The following DEFB107A variants were observed in gnomAD, a reference collection of about 807,000 sequenced individuals.
The protein encoded by DEFB107A is defensin beta 107A.
intron 1 of DEFB107A, among the ~76,000 whole-genome samples, chr8:7,813,372 C>T (rs1381572670): frequency 6.8e-6 from 1 of 146,928 alleles, no homozygotes; most frequent in African/African-American, 2.5e-5. Context: ...TTTAGGATGG[C>T]AGGGTTGACC....
At chr8:7,814,887 G>C (rs1413240628) in intron 1 of DEFB107A, among the ~76,000 whole-genome samples, 2 of 59,584 alleles carry the variant, frequency 3.4e-5, no homozygotes, top group African/African-American at 1.3e-4. Context: ...TAACAAATAT[G>C]TTTGGCATTT....
intron 1 of DEFB107A, among the ~76,000 whole-genome samples, chr8:7,813,454 T>C (rs1459912865): frequency 6.7e-6 from 1 of 150,278 alleles, no homozygotes; most frequent in African/African-American, 2.4e-5. Context: ...TAGCTATTTT[T>C]GGACTTTTAC....
chr8:7,813,884 A>G (rs1055283850), intron 1 of DEFB107A, among the ~76,000 whole-genome samples: 3 of 149,842 alleles, frequency 2.0e-5, no homozygotes, highest in East Asian at 2.0e-4. Flanking sequence ...TGGAGTACTG[A>G]TTAAAGTGGA....
At chr8:7,813,663 A>G (rs1448985428) in intron 1 of DEFB107A, among the ~76,000 whole-genome samples, 1 of 123,036 alleles carries the variant, frequency 8.1e-6, no homozygotes, top group Non-Finnish European at 1.8e-5. Flanking sequence ...CCAAACTCAT[A>G]TAAGTTTGGC....
At chr8:7,813,743 A>T (rs1355519822) in intron 1 of DEFB107A, among the ~76,000 whole-genome samples, 3 of 152,136 alleles carry the variant, frequency 2.0e-5, no homozygotes, top group Admixed American at 2.0e-4. Context: ...ATTCTATGTG[A>T]TTATGGTGAT....
intron 1 of DEFB107A, among the ~76,000 whole-genome samples, chr8:7,813,584 T>C (rs1817140220): frequency 6.6e-6 from 1 of 152,078 alleles, no homozygotes; most frequent in Non-Finnish European, 1.5e-5. Flanking sequence ...AATGCTATTA[T>C]TATTATCATT....
chr8:7,815,140 C>T (rs1343230913), intron 1 of DEFB107A, among the ~76,000 whole-genome samples: 1 of 62,836 alleles, frequency 1.6e-5, no homozygotes, highest in Non-Finnish European at 3.2e-5. Flanking sequence ...CCCAGCTACT[C>T]GGGAGGCTGA....
intron 1 of DEFB107A, among the ~76,000 whole-genome samples, chr8:7,813,193 T>A (rs2737616): frequency 0.18 from 13,984 of 75,890 alleles, 312 homozygotes; most frequent in Non-Finnish European, 0.3. Flanking sequence ...TACTTAGCTA[T>A]TCACATCAGC....
chr8:7,813,420 C>G (rs368407884), intron 1 of DEFB107A, among the ~76,000 whole-genome samples: 1 of 148,682 alleles, frequency 6.7e-6, no homozygotes, highest in Non-Finnish European at 1.5e-5. Flanking sequence ...TGAAAAAGAA[C>G]CCTCTACCCG....
intron 1 of DEFB107A, among the ~76,000 whole-genome samples, chr8:7,813,343 C>A (rs2128921035): frequency 6.9e-6 from 1 of 145,338 alleles, no homozygotes; most frequent in Non-Finnish European, 1.5e-5. Context: ...TCCTTGGAAC[C>A]AAATAAAATG....
chr8:7,815,247 C>CAAAAAAAAAAAAAAAAAAAA (rs1160791841), intron 1 of DEFB107A, among the ~76,000 whole-genome samples: 1 of 7,056 alleles, frequency 1.4e-4, no homozygotes, highest in Admixed American at 3.0e-3. Context: ...GACTCCGTCT[C>CAAAAAAAAAAAAAAAAAAAA]AAAAAAAAAA....
At chr8:7,813,820 T>G (rs2128921144) in intron 1 of DEFB107A, among the ~76,000 whole-genome samples, 1 of 151,454 alleles carries the variant, frequency 6.6e-6, no homozygotes, top group Admixed American at 6.6e-5. Context: ...TGAGATGAGT[T>G]TTGTGGACAG....
chr8:7,815,235 G>A (rs564977271), intron 1 of DEFB107A, among the ~76,000 whole-genome samples: 77 of 65,796 alleles, frequency 1.2e-3, no homozygotes, highest in Admixed American at 2.4e-3. Context: ...GCGACAGCGC[G>A]AGACTCCGTC....
At chr8:7,813,233 T>C (rs1817129182) in intron 1 of DEFB107A, among the ~76,000 whole-genome samples, 1 of 132,550 alleles carries the variant, frequency 7.5e-6, no homozygotes, top group Non-Finnish European at 1.7e-5. Context: ...TATGTCCACA[T>C]GAACAAATTT....
At chr8:7,812,928 C>CACAT (rs1267957853) in intron 1 of DEFB107A, among the ~76,000 whole-genome samples, 2 of 130,018 alleles carry the variant, frequency 1.5e-5, no homozygotes, top group Non-Finnish European at 3.4e-5. Flanking sequence ...CACACACGCA[C>CACAT]ACACATACAC....
At chr8:7,815,246 TCAAAAAA>T (rs1817190610) in intron 1 of DEFB107A, among the ~76,000 whole-genome samples, 1 of 15,438 alleles carries the variant, frequency 6.5e-5, no homozygotes, top group Non-Finnish European at 3.0e-4. Context: ...AGACTCCGTC[TCAAAAAA>T]AAAAAAAAAA....
chr8:7,813,919 TTA>T (rs1817155778), intron 1 of DEFB107A, among the ~76,000 whole-genome samples: 1 of 146,320 alleles, frequency 6.8e-6, no homozygotes, highest in African/African-American at 2.6e-5. Flanking sequence ...TTAAATGAGT[TTA>T]TCTATTCTGG....
intron 1 of DEFB107A, among the ~76,000 whole-genome samples, chr8:7,813,507 CATT>C (rs1301706120): frequency 2.6e-5 from 4 of 151,702 alleles, no homozygotes; most frequent in African/African-American, 7.3e-5. Context: ...GTCATTCTAT[CATT>C]AAGATTCTTT....
At chr8:7,813,947 C>T (rs1817156916) in intron 1 of DEFB107A, among the ~76,000 whole-genome samples, 1 of 140,536 alleles carries the variant, frequency 7.1e-6, no homozygotes, top group South Asian at 2.5e-4. Context: ...TGTCTGACAT[C>T]TGCAAAAAGA....
Sources: gnomAD v4.1 joint callset for allele counts (sites outside exome capture counted in the v4.1 genomes callset) on GRCh38, gnomAD v4.1.1 for gene constraint, MANE v1.5 for transcripts, NCBI Gene and HGNC (gene_info 2026-07-23, HGNC 2026-07-21) for gene names.